The following RASA2 variants were observed in gnomAD, a reference collection of about 807,000 sequenced individuals.
RASA2 encodes RAS p21 protein activator 2.
In RASA2, 155 loss-of-function variants were observed where a neutral mutation model predicts 118.2. The ratio of observed to expected loss-of-function variants is 1.31; its 90% CI spans 1.15 to 1.50. The LOEUF (loss-of-function observed/expected upper bound fraction) is 1.50, where lower values mean the gene tolerates loss of function less well. RASA2 is among the 40% of genes most tolerant of loss of function. The pLI is 0.00. For synonymous variants in RASA2, 353 were observed against 349.1 expected, an observed-to-expected ratio of 1.01 and a Z score of -0.12; for missense variants, 1,016 against 1,009.6, an observed-to-expected ratio of 1.01 and a Z score of -0.09.
In RASA2 at chr3:141,571,403, T is replaced by A. The variant is rs1282022467; in HGVS notation, c.1021-3T>A. On this transcript the variant is annotated splice_polypyrimidine_tract_variant and splice_region_variant and intron_variant, in intron 10 of 23. Transcript: ENST00000286364. Reference sequence around the variant, plus strand: ...TGCTTGTTTTCTACCTTTCTGTATTTAGCCAATATCTGCCTCAGCTGCTTA... The same window carrying A: ...TGCTTGTTTTCTACCTTTCTGTATTAAGCCAATATCTGCCTCAGCTGCTTA... The A allele has an allele frequency of 6.2e-7, 1 of 1,610,808 alleles. No homozygotes were observed. Among genetic ancestry groups the A allele is most frequent in the Admixed American group, 1.7e-5 (1 of 59,134 alleles).
chr3:141,511,054 G>A (rs1301446810), intron 1 of RASA2, among the ~76,000 whole-genome samples: 1 of 152,146 alleles, frequency 6.6e-6, no homozygotes, highest in Non-Finnish European at 1.5e-5. Context: ...CGGTGATTCT[G>A]GTCAAGGCAA....
At position 141,546,659 on chromosome 3, in the gene RASA2, C is replaced by T. The variant is rs567341875; in HGVS notation, c.527+6050C>T. On this transcript the variant is annotated intron_variant, in intron 5 of 23. Coordinates refer to ENST00000286364, the MANE Select transcript of RASA2 (RefSeq NM_006506.5). ...TGGGTTGTCTCTTCACTTTGTTGATCCTTCCTTTGTTGTGTAGAAGCTTTT... is the reference window on the plus strand; with the variant it reads ...TGGGTTGTCTCTTCACTTTGTTGATTCTTCCTTTGTTGTGTAGAAGCTTTT... Among the ~76,000 whole-genome samples, 4 of 152,228 alleles carry T rather than the reference C, an allele frequency of 2.6e-5. No individual in the cohort carries two copies. The South Asian group carries it at 8.3e-4, about 32-fold the overall frequency.
rs867709367 is a variant in RASA2, at chr3:141,610,478, A to T, written c.2519+412A>T. ...TTTATATTTATATATTATATATATAAATATATATATATATATATTTAGTTT... is the reference window on the plus strand; with the variant it reads ...TTTATATTTATATATTATATATATATATATATATATATATATATTTAGTTT... On this transcript the variant is annotated intron_variant, in intron 23 of 23. Coordinates refer to ENST00000286364, the MANE Select transcript of RASA2 (RefSeq NM_006506.5). 2.0e-3 allele frequency among the ~76,000 whole-genome samples: 199 copies of T among 99,750 alleles called. 1 individual carries two copies. Among genetic ancestry groups the T allele is most frequent in the African/African-American group, 9.3e-3 (171 of 18,438 alleles). The allele number at this position is 99,750 out of a possible 152,430, so 65.4% of individuals were successfully genotyped here.
chr3:141,580,363 T>G lies in RASA2; in HGVS notation c.1591-5T>G. 2 of 1,591,800 alleles carry G rather than the reference T, an allele frequency of 1.3e-6. No individual in the cohort carries two copies. The highest frequency in any genetic ancestry group is 1.7e-6 in the Non-Finnish European group (2 of 1,164,376). On this transcript the variant is annotated splice_region_variant and splice_polypyrimidine_tract_variant and intron_variant, in intron 15 of 23. Coordinates refer to ENST00000286364, the MANE Select transcript of RASA2 (RefSeq NM_006506.5). ...AGTAGTTTTGGTCTTTTTTACATTC[T>G]TTAGGATGCACAGACAATTAGAACA...
At chr3:141,533,985 AG>A (rs2082293490) in intron 4 of RASA2, among the ~76,000 whole-genome samples, 1 of 152,078 alleles carries the variant, frequency 6.6e-6, no homozygotes, top group Non-Finnish European at 1.5e-5. Flanking sequence ...TCCATTTTGA[AG>A]CATTCTTTTC....
chr3:141,536,561 G>T (rs763995961), intron 4 of RASA2, among the ~76,000 whole-genome samples: 4 of 152,116 alleles, frequency 2.6e-5, no homozygotes, highest in African/African-American at 4.8e-5. Flanking sequence ...GTCATATAGA[G>T]CAATACCTTC....
intron 19 of RASA2, among the ~76,000 whole-genome samples, chr3:141,601,505 C>A (rs1235348353): frequency 7.2e-6 from 1 of 139,206 alleles, no homozygotes; most frequent in Non-Finnish European, 1.7e-5. Flanking sequence ...GGAAAAATAT[C>A]TTCGAAACCA....
intron 4 of RASA2, among the ~76,000 whole-genome samples, chr3:141,530,450 T>A (rs1343042334): frequency 6.6e-6 from 1 of 152,170 alleles, no homozygotes; most frequent in African/African-American, 2.4e-5. Context: ...ATTATTTTTC[T>A]AACTAAAGGG....
intron 3 of RASA2, among the ~76,000 whole-genome samples, chr3:141,517,037 TAGG>T (rs2082037929): frequency 6.6e-6 from 1 of 152,160 alleles, no homozygotes; most frequent in African/African-American, 2.4e-5. Flanking sequence ...CCCAGAGTGT[TAGG>T]ATTACAGGCA....
chr3:141,559,499 CAT>C (rs913102278), intron 8 of RASA2, among the ~76,000 whole-genome samples: 9 of 152,018 alleles, frequency 5.9e-5, no homozygotes, highest in East Asian at 1.9e-4. Context: ...GTATATTAAT[CAT>C]GTGTTTGGAG....
intron 19 of RASA2, among the ~76,000 whole-genome samples, chr3:141,595,547 A>G (rs1577807949): frequency 6.6e-6 from 1 of 152,356 alleles, no homozygotes; most frequent in South Asian, 2.1e-4. Context: ...CCTAATTACA[A>G]CTTCAATGTA....
At chr3:141,551,175 A>G (rs751935055) in intron 5 of RASA2, among the ~76,000 whole-genome samples, 3 of 152,144 alleles carry the variant, frequency 2.0e-5, no homozygotes, top group Non-Finnish European at 2.9e-5. Context: ...TAATATTTCT[A>G]TGAATGTACT....
intron 5 of RASA2, 114 bp from the exon 6 acceptor site, chr3:141,553,743 G>A: frequency 6.8e-7 from 1 of 1,479,312 alleles, no homozygotes; most frequent in Non-Finnish European, 9.0e-7. Flanking sequence ...TACAACTGCA[G>A]ACACATGGAA....
chr3:141,516,315 C>G lies in RASA2; in HGVS notation c.252-13C>G, dbSNP rs2082025525. 1 of 1,524,178 alleles carries G rather than the reference C, an allele frequency of 6.6e-7. No individual in the cohort carries two copies. Among genetic ancestry groups the G allele is most frequent in the Non-Finnish European group, 8.8e-7 (1 of 1,138,916 alleles). 94.4% of individuals were successfully genotyped at this position (1,524,178 alleles called of 1,614,324 possible). A position where few individuals can be genotyped will look rare whatever the true frequency, so the allele number is the denominator to read the frequency against. On this transcript the variant is annotated splice_polypyrimidine_tract_variant and intron_variant, in intron 2 of 23. Coordinates refer to ENST00000286364, the MANE Select transcript of RASA2 (RefSeq NM_006506.5). The stretch of plus-strand genomic sequence containing the variant: ...ATATTATTTGAAGTAATGAGCTTTC[C>G]TTTTCTTTCTAGCCCATTTTTCAGT...
chr3:141,558,094 C>T (rs993848017), intron 7 of RASA2, among the ~76,000 whole-genome samples: 6 of 152,070 alleles, frequency 3.9e-5, no homozygotes, highest in African/African-American at 9.7e-5. Context: ...CTAATTTCTG[C>T]GACTCAAGTA....
At chr3:141,519,712 T>A (rs9289633) in intron 3 of RASA2, among the ~76,000 whole-genome samples, 3 of 152,124 alleles carry the variant, frequency 2.0e-5, no homozygotes, top group Non-Finnish European at 4.4e-5. Flanking sequence ...TGTAGCAAAC[T>A]GTTGATTATA....
chr3:141,555,967 G>C (rs73869663), intron 7 of RASA2, 55 bp downstream of exon 7: 1 of 1,338,996 alleles, frequency 7.5e-7, no homozygotes, highest in Non-Finnish European at 1.0e-6. Flanking sequence ...TTTAATGCTA[G>C]TTGATTTCTT....
rs759228312 is a variant in RASA2, at chr3:141,594,461, C to T, written c.1933+7709C>T. On this transcript the variant is annotated intron_variant, in intron 19 of 23. Transcript: ENST00000286364. The stretch of plus-strand genomic sequence containing the variant: ...CTCAATGAACTGCAAGCATGATAAA[C>T]GCAAAGGAAACCGCACTTAGACATA... Among the ~76,000 whole-genome samples, 9 of 151,882 alleles carry T rather than the reference C, an allele frequency of 5.9e-5. No individual in the cohort carries two copies. In the South Asian group the frequency reaches 8.3e-4, roughly 14 times the overall value.
At chr3:141,567,524 TAATGTATTTTAAAACTTTTTA>T (rs1170752287) in intron 9 of RASA2, among the ~76,000 whole-genome samples, 4 of 152,230 alleles carry the variant, frequency 2.6e-5, no homozygotes, top group African/African-American at 9.6e-5. Context: ...AAATGCATTT[TAATGTATTTTAAAACTTTTTA>T]AATGTATTTT....
Sources: gnomAD v4.1 joint callset for allele counts (sites outside exome capture counted in the v4.1 genomes callset) on GRCh38, gnomAD v4.1.1 for gene constraint, MANE v1.5 for transcripts, NCBI Gene and HGNC (gene_info 2026-07-23, HGNC 2026-07-21) for gene names.